Variants in NAA15 observed in about 807,000 individuals in gnomAD.
NAA15 encodes N-terminal acetyltransferase.
NAA15 carries 34 observed loss-of-function variants against 114.0 expected under a neutral mutation model. That is an observed-to-expected ratio of 0.30 (90% CI 0.23 to 0.40). The LOEUF (loss-of-function observed/expected upper bound fraction) is 0.40. NAA15 is among the 10% of genes least tolerant of loss of function. The pLI, the probability that NAA15 is intolerant of heterozygous loss-of-function variation, is 1.00. For missense variants in NAA15, 658 were observed against 1,004.5 expected (o/e 0.66, Z 4.66); for synonymous variants, 340 against 338.0 (o/e 1.01, Z -0.06).
chr4:139,332,655 T>C (rs1560961203), intron 1 of NAA15, among the ~76,000 whole-genome samples: 1 of 139,386 alleles, frequency 7.2e-6, no homozygotes, highest in Non-Finnish European at 1.5e-5. Context: ...CGATCTCTGC[T>C]CACTGCAACC....
chr4:139,364,289 C>A (rs1177630798), intron 14 of NAA15, among the ~76,000 whole-genome samples: 2 of 151,832 alleles, frequency 1.3e-5, no homozygotes, highest in African/African-American at 2.4e-5. Flanking sequence ...AATATTTAGT[C>A]TTTTTTTGTG....
At chr4:139,354,875 A>G (rs1010658436) in intron 10 of NAA15, among the ~76,000 whole-genome samples, 6 of 152,088 alleles carry the variant, frequency 3.9e-5, no homozygotes, top group Non-Finnish European at 8.8e-5. Context: ...CATACCTGAA[A>G]ATTAATATAT....
At chr4:139,360,427 GT>G (rs1235673515) in intron 12 of NAA15, 72 bp from the exon 13 acceptor site, 1 of 1,358,328 alleles carries the variant, frequency 7.4e-7, no homozygotes, top group African/African-American at 1.5e-5. Context: ...TAACATCTTT[GT>G]TTTTTAAAAT....
chr4:139,334,294 G>C lies in NAA15; in HGVS notation c.139+36G>C, dbSNP rs747672552. ...GTAGATAAAGCTTTACTACATACCT[G>C]TCTGGCCTCTCTTACTGGATTGTAT... On this transcript the variant is annotated intron_variant, in intron 2 of 19. Transcript: ENST00000296543. 7.4e-6 allele frequency: 10 copies of C among 1,351,990 alleles called. 1 individual carries two copies. In the South Asian group the frequency reaches 1.1e-4, roughly 15 times the overall value. The allele number at this position is 1,351,990 out of a possible 1,614,324, so 83.7% of individuals were successfully genotyped here. A position where few individuals can be genotyped will look rare whatever the true frequency, so the allele number is the denominator to read the frequency against.
chr4:139,320,473 G>A (rs1399402642), intron 1 of NAA15, among the ~76,000 whole-genome samples: 1 of 152,124 alleles, frequency 6.6e-6, no homozygotes, highest in South Asian at 2.1e-4. Flanking sequence ...GCTTTTCCCA[G>A]TTCTTTCTCT....
intron 15 of NAA15, 28 bp downstream of exon 15, chr4:139,370,432 T>C (rs1355301676): frequency 6.6e-7 from 1 of 1,503,808 alleles, no homozygotes; most frequent in East Asian, 2.3e-5. Flanking sequence ...TTAGCACAAT[T>C]GAGTGACATT....
intron 14 of NAA15, among the ~76,000 whole-genome samples, chr4:139,365,826 A>G (rs1297088369): frequency 6.6e-6 from 1 of 152,134 alleles, no homozygotes; most frequent in Non-Finnish European, 1.5e-5. Context: ...TCCAGCCTGG[A>G]CGACAGAGTG....
intron 6 of NAA15, among the ~76,000 whole-genome samples, chr4:139,347,889 G>A (rs1237268006): frequency 2.0e-5 from 3 of 151,270 alleles, no homozygotes; most frequent in African/African-American, 4.9e-5. Context: ...AAAATTAGCC[G>A]GGCGCGGTGG....
intron 1 of NAA15, among the ~76,000 whole-genome samples, chr4:139,328,466 C>A (rs1746880604): frequency 6.6e-6 from 1 of 152,188 alleles, no homozygotes. Context: ...CTGTGGCCTT[C>A]CAAAGTGCTG....
At chr4:139,345,770 A>T (rs1056064439) in intron 6 of NAA15, among the ~76,000 whole-genome samples, 1 of 152,002 alleles carries the variant, frequency 6.6e-6, no homozygotes, top group East Asian at 1.9e-4. Context: ...AATACAGAAA[A>T]ATTAGCCAGG....
chr4:139,377,250 T>C (rs2110991492), intron 16 of NAA15, among the ~76,000 whole-genome samples: 1 of 152,238 alleles, frequency 6.6e-6, no homozygotes, highest in South Asian at 2.1e-4. Context: ...TAAAAAGTCA[T>C]GTTTGGCCAG....
At chr4:139,309,280 G>A (rs1746133132) in intron 1 of NAA15, among the ~76,000 whole-genome samples, 3 of 151,870 alleles carry the variant, frequency 2.0e-5, no homozygotes, top group Admixed American at 2.0e-4. Context: ...CCCAGGAGGT[G>A]GAGGTTGCAG....
chr4:139,338,319 A>G (rs1004620067), intron 3 of NAA15, among the ~76,000 whole-genome samples: 2 of 152,228 alleles, frequency 1.3e-5, no homozygotes, highest in Admixed American at 1.3e-4. Flanking sequence ...TGTCATTTGT[A>G]TTACGGAAAT....
At chr4:139,311,381 A>G (rs1023524842) in intron 1 of NAA15, among the ~76,000 whole-genome samples, 1 of 151,878 alleles carries the variant, frequency 6.6e-6, no homozygotes, top group East Asian at 1.9e-4. Flanking sequence ...AGAGAAAAAG[A>G]TCTTTGGATT....
Position 139,360,559 on chromosome 4 carries a change from A to G in NAA15, c.1470A>G (p.Glu490=), listed in dbSNP as rs373198001. The G allele has an allele frequency of 2.4e-5, 39 of 1,610,284 alleles. No homozygotes were observed. In the African/African-American group the frequency reaches 4.7e-4, roughly 19 times the overall value. ...TGCAGTGCATGTGGTTCCAAACAGAATGTGCCCAGGCTTATAAAGCAATGA... is the reference window on the plus strand; with the variant it reads ...TGCAGTGCATGTGGTTCCAAACAGAGTGTGCCCAGGCTTATAAAGCAATGA... ...NEMQCMWFQT[E]CAQAYKAMNK... Residue 490 remains glutamate (E), a synonymous_variant, in exon 13 of 20, where the codon GAA becomes GAG. Coordinates refer to ENST00000296543, the MANE Select transcript of NAA15 (RefSeq NM_057175.5).
At chr4:139,353,109 A>G (rs142544729) in intron 9 of NAA15, among the ~76,000 whole-genome samples, 67 of 152,204 alleles carry the variant, frequency 4.4e-4, no homozygotes, top group African/African-American at 1.5e-3. Context: ...AAAAATACCT[A>G]ATTTATCTTT....
At chr4:139,340,726 C>T (rs1034761364) in intron 3 of NAA15, among the ~76,000 whole-genome samples, 186 bp from the exon 4 acceptor site, 2 of 152,194 alleles carry the variant, frequency 1.3e-5, no homozygotes, top group Admixed American at 6.5e-5. Context: ...TCTCTGGCTG[C>T]AAAAGCTGTG....
chr4:139,351,621 AAT>A lies in NAA15; in HGVS notation c.1014+13_1014+14del, dbSNP rs747921185. ...CAAAGACAAAGAAAAGGTAAAGTGA[AAT>A]ATGATACTTTCTTTTGGCTACCATT... On this transcript the variant is annotated intron_variant, in intron 9 of 19. Coordinates refer to ENST00000296543, the MANE Select transcript of NAA15 (RefSeq NM_057175.5). The A allele has an allele frequency of 7.6e-7, 1 of 1,308,416 alleles. No individual in the cohort carries two copies. The highest frequency in any genetic ancestry group is 1.5e-5 in the African/African-American group (1 of 68,626). The allele number at this position is 1,308,416 out of a possible 1,614,324, so 81.1% of individuals were successfully genotyped here.
At chr4:139,348,356 A>AGGTG (rs1232730422) in intron 6 of NAA15, among the ~76,000 whole-genome samples, 17 of 149,884 alleles carry the variant, frequency 1.1e-4, no homozygotes, top group Admixed American at 1.0e-3. Context: ...AGGGAGGCTG[A>AGGTG]GGTGGTAGGA....
Sources: gnomAD v4.1 joint callset for allele counts (sites outside exome capture counted in the v4.1 genomes callset) on GRCh38, gnomAD v4.1.1 for gene constraint, MANE v1.5 for transcripts, NCBI Gene and HGNC (gene_info 2026-07-23, HGNC 2026-07-21) for gene names.